DLG5: variants seen among roughly 807,000 people sequenced by gnomAD.
DLG5 encodes discs large MAGUK scaffold protein 5.
DLG5 carries 48 observed loss-of-function variants against 189.8 expected under a neutral mutation model. The observed-to-expected ratio is 0.25, with a 90% confidence interval of 0.20 to 0.32. The LOEUF (loss-of-function observed/expected upper bound fraction) is 0.32. Ranked by LOEUF, DLG5 falls within the 10% of genes least tolerant of loss-of-function variation. The pLI, the probability that DLG5 is intolerant of heterozygous loss-of-function variation, is 1.00. For missense variants in DLG5, 2,160 were observed against 2,544.7 expected, an observed-to-expected ratio of 0.85 and a Z score of 3.25; for synonymous variants, 1,016 against 1,054.1, an observed-to-expected ratio of 0.96 and a Z score of 0.70.
At chr10:77,938,449 A>G in the DLG5 span, among the ~76,000 whole-genome samples, 29,160 of 152,110 alleles carry the variant, frequency 0.19, 3,347 homozygotes, top group South Asian at 0.27. Context: ...AAAACAAACA[A>G]AAACCTCACC....
intron 1 of DLG5, chr10:77,869,723 C>T (rs1844825180): frequency 6.5e-6 from 1 of 153,566 alleles, no homozygotes; most frequent in African/African-American, 2.4e-5. Flanking sequence ...AAATGATGAG[C>T]AATTGTACCA....
intron 1 of DLG5, among the ~76,000 whole-genome samples, chr10:77,921,525 G>A (rs554107967): frequency 6.6e-5 from 10 of 152,140 alleles, no homozygotes; most frequent in Non-Finnish European, 1.3e-4. Context: ...AGCCATTAAG[G>A]TCCTCCAGAT....
intron 31 of DLG5, chr10:77,793,657 C>T (rs1398620952): frequency 3.6e-6 from 1 of 281,586 alleles, no homozygotes; most frequent in South Asian, 5.0e-5. Flanking sequence ...GCTGCCCACA[C>T]TGCTGGCACA....
Position 77,792,317 on chromosome 10 carries a change from G to A in DLG5, c.*123C>T. 4 of 1,003,772 alleles carry A rather than the reference G, an allele frequency of 4.0e-6. No individual in the cohort carries two copies. Among genetic ancestry groups the A allele is most frequent in the Non-Finnish European group, 6.1e-6 (4 of 650,604 alleles). 62.2% of individuals were successfully genotyped at this position (1,003,772 alleles called of 1,614,324 possible). On this transcript the variant is annotated 3_prime_UTR_variant, in exon 32 of 32. Coordinates refer to ENST00000372391, the MANE Select transcript of DLG5 (RefSeq NM_004747.4). The stretch of plus-strand genomic sequence containing the variant: ...ACAAAGGAGGTGCTTCTGGGTCCTG[G>A]TTCCGGATCCTTCCCCCGCATGTTC...
intron 8 of DLG5, among the ~76,000 whole-genome samples, chr10:77,834,368 C>T (rs1413296576): frequency 2.0e-5 from 3 of 152,122 alleles, no homozygotes; most frequent in East Asian, 3.9e-4. Context: ...CTAATGCCAA[C>T]TTGGGGAGCC....
chr10:77,835,959 C>A, intron 7 of DLG5, 37 bp from the exon 8 acceptor site: 1 of 1,586,988 alleles, frequency 6.3e-7, no homozygotes, highest in South Asian at 1.1e-5. Flanking sequence ...GGAGAGGTTG[C>A]TGAGCCTCAT....
At chr10:77,793,947 T>C in intron 31 of DLG5, 61 bp downstream of exon 31, 1 of 1,468,518 alleles carries the variant, frequency 6.8e-7, no homozygotes, top group South Asian at 1.1e-5. Flanking sequence ...AAAACAGCCT[T>C]AGGAAGCCTC....
rs531205260 is a variant in DLG5, at chr10:77,807,986, G to T, written c.4648-42C>A. The T allele has an allele frequency of 7.1e-5, 114 of 1,602,058 alleles. No homozygotes were observed. In the African/African-American group the frequency reaches 1.6e-3, roughly 22 times the overall value. On this transcript the variant is annotated intron_variant, in intron 24 of 31. Coordinates refer to ENST00000372391, the MANE Select transcript of DLG5 (RefSeq NM_004747.4). ...TGGATGCATCAGAAGGCAGAAGCCAGGGGGCAGCTTGGGCACCCGAGAGGG... is the reference window on the plus strand; with the variant it reads ...TGGATGCATCAGAAGGCAGAAGCCATGGGGCAGCTTGGGCACCCGAGAGGG...
chr10:77,838,426 T>A (rs1272342081), intron 7 of DLG5, among the ~76,000 whole-genome samples: 1 of 151,938 alleles, frequency 6.6e-6, no homozygotes, highest in Admixed American at 6.5e-5. Flanking sequence ...AGGGCGGCCT[T>A]AGGGGAGCTC....
At chr10:77,829,054 T>C (rs1842780601) in intron 12 of DLG5, 69 bp from the exon 13 acceptor site, 1 of 1,493,636 alleles carries the variant, frequency 6.7e-7, no homozygotes, top group Non-Finnish European at 9.3e-7. Context: ...CCCTACCTCA[T>C]CTTTGTTACC....
At chr10:77,843,781 C>G in intron 5 of DLG5, 75 bp from the exon 6 acceptor site, 2 of 1,590,686 alleles carry the variant, frequency 1.3e-6, no homozygotes, top group Non-Finnish European at 1.7e-6. Flanking sequence ...TCACTTTTGT[C>G]TATCTGAGGG....
intron 1 of DLG5, among the ~76,000 whole-genome samples, chr10:77,870,280 A>G (rs1844846428): frequency 6.6e-6 from 1 of 152,194 alleles, no homozygotes; most frequent in Admixed American, 6.5e-5. Context: ...CTGGAGATGG[A>G]ATTTTTGCAA....
At position 77,821,594 on chromosome 10, in the gene DLG5, A is replaced by G. The variant is rs750341339; in HGVS notation, c.2890T>C (p.Tyr964His). 1 of 1,613,020 alleles carries G rather than the reference A, an allele frequency of 6.2e-7. No homozygotes were observed. Among genetic ancestry groups the G allele is most frequent in the Middle Eastern group, 1.6e-4 (1 of 6,062 alleles). Reference sequence around the variant, plus strand: ...GACTTTCTTTGCTTTGGCTTTTTATAAACAGAGAGCTTCTCAGGCACTGCC... The same window carrying G: ...GACTTTCTTTGCTTTGGCTTTTTATGAACAGAGAGCTTCTCAGGCACTGCC... Reference protein sequence around the residue: ...STAVPEKLSVYKKPKQRKSIF... With the variant: ...STAVPEKLSVHKKPKQRKSIF... Residue 964 changes from tyrosine (Y) to histidine (H), a missense_variant, in exon 15 of 32, where the codon TAT becomes CAT. Tyr to His is a moderately conservative substitution (Grantham distance 83, BLOSUM62 2). Coordinates refer to ENST00000372391, the MANE Select transcript of DLG5 (RefSeq NM_004747.4).
At chr10:77,909,478 C>T (rs1034471163) in intron 1 of DLG5, among the ~76,000 whole-genome samples, 3 of 151,832 alleles carry the variant, frequency 2.0e-5, no homozygotes, top group African/African-American at 7.3e-5. Flanking sequence ...GTGTTCTGCA[C>T]ATGTACCCCA....
chr10:77,834,035 G>T lies in DLG5; in HGVS notation c.1627C>A (p.Leu543Met). The change falls in exon 9 of 32, where the codon CTG (leucine) becomes ATG (methionine). Residue 543 changes from leucine to methionine, a missense_variant. Transcript: ENST00000372391. ...CGCTCCCGCCTCAGGTTGTCACACA[G>T]TGTCCTGGTGGAAGGAGCAGAGGAC... ...IVAERDSIRT[L>M]CDNLRRERDR... 6.2e-7 allele frequency: 1 copy of T among 1,609,310 alleles called. No individual in the cohort carries two copies.
At chr10:77,811,288 C>A (rs1841759601) in intron 22 of DLG5, 54 bp from the exon 23 acceptor site, 14 of 1,573,532 alleles carry the variant, frequency 8.9e-6, no homozygotes, top group Non-Finnish European at 1.1e-5. Flanking sequence ...CCCAGAGCCA[C>A]CCCCACTCCT....
chr10:77,817,196 C>T, intron 18 of DLG5, 100 bp from the exon 19 acceptor site: 1 of 1,058,698 alleles, frequency 9.4e-7, no homozygotes, highest in Non-Finnish European at 1.5e-6. Context: ...AAATGCAAAG[C>T]TGGGCCCTGC....
intron 1 of DLG5, among the ~76,000 whole-genome samples, chr10:77,871,531 T>A (rs1844897492): frequency 2.2e-5 from 3 of 134,536 alleles, no homozygotes; most frequent in East Asian, 2.2e-4. Context: ...ACAATAAGCA[T>A]CACACTTTTT....
At chr10:77,877,574 G>C (rs372429020) in intron 1 of DLG5, among the ~76,000 whole-genome samples, 2 of 152,144 alleles carry the variant, frequency 1.3e-5, no homozygotes, top group South Asian at 2.1e-4. Context: ...CAGGGAGGGA[G>C]GGAAGGCAGT....
Sources: allele counts gnomAD v4.1 joint callset (sites outside exome capture counted in the v4.1 genomes callset), GRCh38; gene constraint gnomAD v4.1.1; transcripts MANE v1.5; gene names NCBI Gene and HGNC (gene_info 2026-07-23, HGNC 2026-07-21).